DGKI: variants seen among roughly 807,000 people sequenced by gnomAD.
The protein encoded by DGKI is DAG kinase iota.
Under a neutral mutation model 147.5 loss-of-function variants are expected in DGKI, and 55 were observed. That is an observed-to-expected ratio of 0.37 (90% confidence interval 0.30 to 0.47). The LOEUF is 0.47. Ranked by LOEUF, DGKI falls within the 20% of genes least tolerant of loss-of-function variation. DGKI has a pLI of 1.00. For missense variants in DGKI, 1,007 were observed against 1,323.8 expected, an observed-to-expected ratio of 0.76 and a Z score of 3.71; for synonymous variants, 469 against 477.1, an observed-to-expected ratio of 0.98 and a Z score of 0.22.
intron 1 of DGKI, among the ~76,000 whole-genome samples, chr7:137,717,713 C>T (rs1046469350): frequency 4.0e-5 from 6 of 151,706 alleles, no homozygotes; most frequent in East Asian, 3.9e-4. Flanking sequence ...TATGTGGGGG[C>T]GGGGAAGTGA....
intron 1 of DGKI, among the ~76,000 whole-genome samples, chr7:137,769,214 G>C (rs1425866095): frequency 1.3e-5 from 2 of 152,158 alleles, no homozygotes; most frequent in African/African-American, 4.8e-5. Context: ...TGTTAGACCC[G>C]GTAGATGAAC....
intron 19 of DGKI, among the ~76,000 whole-genome samples, chr7:137,567,667 C>G (rs1009270168): frequency 6.6e-5 from 10 of 152,080 alleles, no homozygotes; most frequent in Non-Finnish European, 7.4e-5. Flanking sequence ...GATTCCGACT[C>G]AAAGAAACTG....
intron 19 of DGKI, among the ~76,000 whole-genome samples, chr7:137,565,553 A>G (rs952951401): frequency 6.6e-6 from 1 of 152,216 alleles, no homozygotes; most frequent in Non-Finnish European, 1.5e-5. Flanking sequence ...AAACTTACAC[A>G]GTTTTATTTC....
At chr7:137,580,031 A>G (rs1457495295) in intron 15 of DGKI, among the ~76,000 whole-genome samples, 2 of 152,130 alleles carry the variant, frequency 1.3e-5, no homozygotes, top group African/African-American at 4.8e-5. Context: ...TCATAGTTCA[A>G]GGAAGTGAAT....
chr7:137,843,056 C>A (rs1267153660), intron 1 of DGKI, among the ~76,000 whole-genome samples: 9 of 152,176 alleles, frequency 5.9e-5, no homozygotes, highest in Non-Finnish European at 1.0e-4. Context: ...TGCCCAAGCT[C>A]TATGCCTCAA....
chr7:137,455,253 G>T (rs1294195904), intron 27 of DGKI, among the ~76,000 whole-genome samples: 1 of 151,972 alleles, frequency 6.6e-6, no homozygotes, highest in Non-Finnish European at 1.5e-5. Flanking sequence ...TCTAAACATT[G>T]TCTGCTTCCT....
intron 1 of DGKI, among the ~76,000 whole-genome samples, chr7:137,787,406 T>C (rs1242563519): frequency 2.6e-5 from 4 of 151,926 alleles, no homozygotes; most frequent in Admixed American, 6.6e-5. Flanking sequence ...CAAATCAAAA[T>C]TGCATTTTGA....
rs142838118 is a variant in DGKI at position 137,523,676 on chromosome 7, A to G, written c.2148-1710T>C. Among the ~76,000 whole-genome samples, 388 of 152,266 alleles carry G rather than the reference A, an allele frequency of 2.5e-3. 4 individuals are homozygous for G. Among genetic ancestry groups the G allele is most frequent in the African/African-American group, 8.9e-3 (371 of 41,574 alleles). On this transcript the variant is annotated intron_variant, in intron 20 of 32. Coordinates refer to ENST00000614521, the MANE Select transcript of DGKI (RefSeq NM_001321708.2). ...ATCACTCAAATTGTGTTTGTTGGGT[A>G]TTTACTTTGTATTACCATAGTGCTG... is the stretch of plus-strand genomic sequence containing the variant.
intron 17 of DGKI, among the ~76,000 whole-genome samples, chr7:137,574,807 G>C (rs1353302056): frequency 1.3e-5 from 2 of 152,058 alleles, no homozygotes; most frequent in Admixed American, 6.5e-5. Flanking sequence ...ACAAATAATG[G>C]CTATATGTAG....
intron 29 of DGKI, among the ~76,000 whole-genome samples, chr7:137,410,417 C>A (rs1239518078): frequency 3.2e-4 from 48 of 152,162 alleles, no homozygotes; most frequent in Admixed American, 1.3e-3. Context: ...AAAACAAAAA[C>A]AAAATAAGGT....
chr7:137,539,863 A>G (rs1040309701), intron 20 of DGKI, among the ~76,000 whole-genome samples: 1 of 152,160 alleles, frequency 6.6e-6, no homozygotes, highest in Admixed American at 6.5e-5. Flanking sequence ...AAGATTGACA[A>G]AGAAGAAAAA....
chr7:137,558,541 G>A (rs896296685), intron 19 of DGKI, among the ~76,000 whole-genome samples: 4 of 151,956 alleles, frequency 2.6e-5, no homozygotes, highest in Non-Finnish European at 5.9e-5. Flanking sequence ...GCCTCCCAAA[G>A]TGCTGGGATT....
Position 137,491,110 on chromosome 7 carries a change from A to G in DGKI, c.2249-3421T>C, listed in dbSNP as rs142855457. On this transcript the variant is annotated intron_variant, in intron 21 of 32. Transcript: ENST00000614521. ...GTCAAATCCTAAACCACTAGTGGGT[A>G]TAGACATGAACCAAAATAATTTCTA... 2.3e-4 allele frequency among the ~76,000 whole-genome samples: 35 copies of G among 152,342 alleles called. No individual in the cohort carries two copies. In the East Asian group the frequency reaches 6.2e-3, roughly 27 times the overall value.
intron 1 of DGKI, among the ~76,000 whole-genome samples, chr7:137,814,286 C>CA (rs1193657922): frequency 6.6e-6 from 1 of 152,112 alleles, no homozygotes; most frequent in Non-Finnish European, 1.5e-5. Context: ...GGAACACCGT[C>CA]ATGTGTTCTT....
chr7:137,779,660 C>T (rs1796460301), intron 1 of DGKI, among the ~76,000 whole-genome samples: 3 of 151,918 alleles, frequency 2.0e-5, no homozygotes, highest in African/African-American at 2.4e-5. Flanking sequence ...CTTGAACAGA[C>T]GTTTGACAAA....
chr7:137,720,415 G>A (rs567238484), intron 1 of DGKI, among the ~76,000 whole-genome samples: 143 of 151,856 alleles, frequency 9.4e-4, no homozygotes, highest in African/African-American at 3.0e-3. Flanking sequence ...CTGCCATCGC[G>A]CCTGGCTAAT....
intron 19 of DGKI, among the ~76,000 whole-genome samples, chr7:137,557,300 A>T (rs1012521176): frequency 2.1e-5 from 3 of 142,126 alleles, no homozygotes; most frequent in African/African-American, 8.5e-5. Context: ...TGGAAAGAAC[A>T]GGGGCAATGG....
At chr7:137,719,547 C>G (rs1794483663) in intron 1 of DGKI, among the ~76,000 whole-genome samples, 1 of 152,084 alleles carries the variant, frequency 6.6e-6, no homozygotes, top group Admixed American at 6.5e-5. Context: ...CGGGATTCAT[C>G]TGAGGCTGGT....
chr7:137,461,832 A>G (rs1302909763), intron 27 of DGKI, among the ~76,000 whole-genome samples: 1 of 152,200 alleles, frequency 6.6e-6, no homozygotes, highest in Non-Finnish European at 1.5e-5. Context: ...TTATAGCTGT[A>G]AATTGAAGAT....
Sources: allele counts gnomAD v4.1 joint callset (sites outside exome capture counted in the v4.1 genomes callset), GRCh38; gene constraint gnomAD v4.1.1; transcripts MANE v1.5; gene names NCBI Gene and HGNC (gene_info 2026-07-23, HGNC 2026-07-21).